FRA10AC1: variants seen among roughly 807,000 people sequenced by gnomAD.
FRA10AC1 encodes the protein FRA10A associated CGG repeat 1.
FRA10AC1 carries 43 observed loss-of-function variants against 56.5 expected under a neutral mutation model. The ratio of observed to expected loss-of-function variants is 0.76; its 90% CI spans 0.60 to 0.98. The LOEUF (loss-of-function observed/expected upper bound fraction) is 0.98, where lower values mean the gene tolerates loss of function less well. FRA10AC1 is among the 50% of genes least tolerant of loss of function. The pLI is 0.00. For synonymous variants in FRA10AC1, 112 were observed against 110.5 expected (o/e 1.01, Z -0.09); for missense variants, 346 against 351.8 (o/e 0.98, Z 0.13).
At chr10:93,672,309 T>G (rs1032644949) in intron 12 of FRA10AC1, 6 of 203,184 alleles carry the variant, frequency 3.0e-5, no homozygotes, top group South Asian at 7.7e-5. Context: ...GAGGGCATTT[T>G]GTATTCTAAT....
At chr10:93,685,666 A>T (rs1204213618) in intron 8 of FRA10AC1, among the ~76,000 whole-genome samples, 1 of 151,770 alleles carries the variant, frequency 6.6e-6, no homozygotes, top group African/African-American at 2.4e-5. Flanking sequence ...TATTTCTCAG[A>T]AAGTTGGTTT....
At position 93,668,465 on chromosome 10, in the gene FRA10AC1, TA is replaced by T. The variant is rs750151606; in HGVS notation, c.*1360del. The T allele has an allele frequency of 6.6e-6, 1 of 152,220 alleles. No homozygotes were observed. The highest frequency in any genetic ancestry group is 1.5e-5 in the Non-Finnish European group (1 of 68,060). The allele number at this position is 152,220 out of a possible 1,614,324, so 9.4% of individuals were successfully genotyped here. A position where few individuals can be genotyped will look rare whatever the true frequency, so the allele number is the denominator to read the frequency against. ...GCTTGGATCTCCTGAAGCACCTCCA[TA>T]GACCCTTGCGACTAGGACCTTATGT... is the stretch of plus-strand genomic sequence containing the variant. On this transcript the variant is annotated 3_prime_UTR_variant, in exon 14 of 14. Transcript: ENST00000359204.
At position 93,678,272 on chromosome 10, in the gene FRA10AC1, A is replaced by G. The variant is rs192787901; in HGVS notation, c.788-1581T>C. Reference sequence around the variant, plus strand: ...CATTTTGCCAAGACAGTCTACCTAAATATCTTGTTCTCCTCATACCTGCCA... The same window carrying G: ...CATTTTGCCAAGACAGTCTACCTAAGTATCTTGTTCTCCTCATACCTGCCA... On this transcript the variant is annotated intron_variant, in intron 11 of 13. Transcript: ENST00000359204. 5.4e-4 allele frequency among the ~76,000 whole-genome samples: 83 copies of G among 152,294 alleles called. 1 individual carries two copies. Among genetic ancestry groups the G allele is most frequent in the African/African-American group, 2.0e-3 (83 of 41,566 alleles).
chr10:93,692,142 G>T (rs778252176), intron 6 of FRA10AC1, 49 bp from the exon 7 acceptor site: 2 of 1,322,086 alleles, frequency 1.5e-6, no homozygotes, highest in Non-Finnish European at 2.0e-6. Context: ...CTCAACCATG[G>T]TTTGCTACTT....
chr10:93,685,113 G>A, intron 9 of FRA10AC1, 133 bp downstream of exon 9: 1 of 577,964 alleles, frequency 1.7e-6, no homozygotes, highest in South Asian at 2.1e-5. Flanking sequence ...TTGAGACTTT[G>A]GGAAGCTCCA....
intron 12 of FRA10AC1, chr10:93,671,076 G>A (rs1043213379): frequency 4.0e-5 from 17 of 426,404 alleles, no homozygotes; most frequent in African/African-American, 1.4e-4. Context: ...AAGTCTCATC[G>A]AAACTTCTCT....
chr10:93,693,353 A>C (rs2059156139), intron 5 of FRA10AC1, among the ~76,000 whole-genome samples: 3 of 150,232 alleles, frequency 2.0e-5, no homozygotes, highest in Non-Finnish European at 4.4e-5. Flanking sequence ...GAAAAAAAAA[A>C]CCTCACATAA....
At chr10:93,686,934 AT>A (rs2059037896) in intron 8 of FRA10AC1, among the ~76,000 whole-genome samples, 1 of 151,868 alleles carries the variant, frequency 6.6e-6, no homozygotes, top group Non-Finnish European at 1.5e-5. Context: ...TAGACTAAGT[AT>A]TTGGGCTCAA....
chr10:93,682,816 G>T (rs929123479), intron 10 of FRA10AC1, among the ~76,000 whole-genome samples: 1 of 151,426 alleles, frequency 6.6e-6, no homozygotes. Context: ...AAAAAATAAA[G>T]AATAATGAAA....
At chr10:93,701,768 A>T (rs1384240486) in intron 1 of FRA10AC1, among the ~76,000 whole-genome samples, 3 of 151,912 alleles carry the variant, frequency 2.0e-5, no homozygotes, top group African/African-American at 7.3e-5. Flanking sequence ...CTATGTCCTC[A>T]CGTTCTTTAC....
At chr10:93,702,245 C>G (rs191771695) in intron 1 of FRA10AC1, 130 bp downstream of exon 1, 18 of 149,976 alleles carry the variant, frequency 1.2e-4, no homozygotes, top group African/African-American at 4.4e-4. Context: ...TCTCCAGAAT[C>G]TGTCATCCAA....
intron 11 of FRA10AC1, among the ~76,000 whole-genome samples, chr10:93,677,472 T>C (rs982402756): frequency 1.3e-5 from 2 of 152,072 alleles, no homozygotes; most frequent in African/African-American, 4.8e-5. Context: ...CATCCTCTAA[T>C]GAGGAACATG....
At position 93,668,326 on chromosome 10, in the gene FRA10AC1, T is replaced by G. The variant is rs2058711012; in HGVS notation, c.*1500A>C. The G allele has an allele frequency of 6.6e-6, 1 of 152,182 alleles. No individual in the cohort carries two copies. Among genetic ancestry groups the G allele is most frequent in the South Asian group, 2.1e-4 (1 of 4,836 alleles). The allele number at this position is 152,182 out of a possible 1,614,324, so 9.4% of individuals were successfully genotyped here. On this transcript the variant is annotated 3_prime_UTR_variant, in exon 14 of 14. Transcript: ENST00000359204. ...TTTGCTCTTTATAAAAGCAGATCTT[T>G]GCTAGTTTTCAGAAATCAATAAATC...
At position 93,669,375 on chromosome 10, in the gene FRA10AC1, A is replaced by T. The variant is rs1390795053; in HGVS notation, c.*451T>A. ...GCATAAGGCCAGGAGTTTGAATACC[A>T]GCCTGGGCAACACAGGAGGACTCCG... is the stretch of plus-strand genomic sequence containing the variant. On this transcript the variant is annotated 3_prime_UTR_variant, in exon 14 of 14. Transcript: ENST00000359204. 1.3e-5 allele frequency: 2 copies of T among 153,590 alleles called. No homozygotes were observed. The highest frequency in any genetic ancestry group is 6.5e-5 in the Admixed American group (1 of 15,284). 9.5% of individuals were successfully genotyped at this position (153,590 alleles called of 1,614,324 possible). A position where few individuals can be genotyped will look rare whatever the true frequency, so the allele number is the denominator to read the frequency against.
intron 8 of FRA10AC1, among the ~76,000 whole-genome samples, chr10:93,685,686 C>T (rs2059014822): frequency 6.7e-6 from 1 of 149,686 alleles, no homozygotes; most frequent in African/African-American, 2.5e-5. Flanking sequence ...TAAGGAAAAA[C>T]AAATAAAAAA....
intron 7 of FRA10AC1, among the ~76,000 whole-genome samples, chr10:93,688,405 A>G (rs2059067160): frequency 6.6e-6 from 1 of 152,168 alleles, no homozygotes; most frequent in Non-Finnish European, 1.5e-5. Flanking sequence ...CAGTGCAAGT[A>G]TTCTCTATGG....
At position 93,694,127 on chromosome 10, in the gene FRA10AC1, G is replaced by C. The variant is rs2059187796; in HGVS notation, c.296+734C>G. The stretch of plus-strand genomic sequence containing the variant: ...AAAAACAAAACAAAACAAAAAACAA[G>C]TTCTGATAGAAGAGCCTTAAACATG... On this transcript the variant is annotated intron_variant, in intron 5 of 13. Coordinates refer to ENST00000359204, the MANE Select transcript of FRA10AC1 (RefSeq NM_145246.5). Among the ~76,000 whole-genome samples, 5 of 152,096 alleles carry C rather than the reference G, an allele frequency of 3.3e-5. No individual in the cohort carries two copies. In the South Asian group the frequency reaches 1.0e-3, roughly 32 times the overall value.
At chr10:93,673,707 C>T (rs1273904095) in intron 12 of FRA10AC1, 1 of 406,786 alleles carries the variant, frequency 2.5e-6, no homozygotes, top group East Asian at 7.1e-5. Flanking sequence ...TCTCTGATAA[C>T]AATGATAGCT....
At chr10:93,676,547 CA>C (rs1305779793) in intron 12 of FRA10AC1, 105 bp downstream of exon 12, 1 of 1,390,006 alleles carries the variant, frequency 7.2e-7, no homozygotes, top group Non-Finnish European at 9.4e-7. Flanking sequence ...AAATAATTAA[CA>C]AAAACAAAAA....
Sources: gnomAD v4.1 joint callset for allele counts (sites outside exome capture counted in the v4.1 genomes callset) on GRCh38, gnomAD v4.1.1 for gene constraint, MANE v1.5 for transcripts, NCBI Gene and HGNC (gene_info 2026-07-23, HGNC 2026-07-21) for gene names.